Variants in COBLL1 observed in about 807,000 individuals in gnomAD.
COBLL1 encodes cordon-bleu protein-like 1.
In COBLL1, 50 loss-of-function variants were observed where a neutral mutation model predicts 94.8. The ratio of observed to expected loss-of-function variants is 0.53; its 90% CI spans 0.42 to 0.67. The LOEUF is 0.67. Among genes scored for constraint, COBLL1 ranks in the 30% least tolerant of loss-of-function variants. The probability of loss-of-function intolerance (pLI) is 0.00; values close to 1 mark genes in which losing one functional copy is unlikely to be tolerated. For synonymous variants in COBLL1, 448 were observed against 473.8 expected (o/e 0.95, Z 0.71); for missense variants, 1,362 against 1,348.7 (o/e 1.01, Z -0.15).
chr2:164,738,301 G>A (rs1686418486), intron 3 of COBLL1: 1 of 152,006 alleles, frequency 6.6e-6, no homozygotes, highest in Non-Finnish European at 1.5e-5. Context: ...TGGAGAAAGG[G>A]AAAAGAGGAA....
At chr2:164,714,428 T>G (rs1685063238) in intron 7 of COBLL1, among the ~76,000 whole-genome samples, 1 of 149,124 alleles carries the variant, frequency 6.7e-6, no homozygotes. Flanking sequence ...CAGGATCAAG[T>G]TTAAAAGACA....
chr2:164,814,228 G>A (rs1236723211), intron 2 of COBLL1, among the ~76,000 whole-genome samples: 31 of 151,848 alleles, frequency 2.0e-4, no homozygotes, highest in African/African-American at 2.4e-5. Context: ...CTGATAAATC[G>A]GGACAAAGAT....
chr2:164,769,792 C>A (rs186902862), intron 2 of COBLL1, among the ~76,000 whole-genome samples: 3 of 152,160 alleles, frequency 2.0e-5, no homozygotes, highest in South Asian at 4.2e-4. Flanking sequence ...CACATATACC[C>A]CCCCCAGAGC....
chr2:164,712,718 A>G (rs1684960080), intron 7 of COBLL1, among the ~76,000 whole-genome samples: 3 of 151,946 alleles, frequency 2.0e-5, no homozygotes, highest in Admixed American at 2.0e-4. Flanking sequence ...TAGAAGAATG[A>G]GGTCTTGTAT....
intron 2 of COBLL1, among the ~76,000 whole-genome samples, chr2:164,755,729 T>C (rs1159427415): frequency 6.6e-6 from 1 of 152,210 alleles, no homozygotes; most frequent in Non-Finnish European, 1.5e-5. Context: ...TTAATTTAGC[T>C]CGCAACTCAA....
At chr2:164,720,522 T>A (rs954303387) in intron 7 of COBLL1, among the ~76,000 whole-genome samples, 2 of 152,116 alleles carry the variant, frequency 1.3e-5, no homozygotes, top group Non-Finnish European at 2.9e-5. Context: ...TTTCTATATA[T>A]ATTAATATAT....
chr2:164,665,671 TAATTA>T (rs1691148771), intron 2 of COBLL1, among the ~76,000 whole-genome samples: 1 of 152,228 alleles, frequency 6.6e-6, no homozygotes, highest in Admixed American at 6.5e-5. Flanking sequence ...AGCTATTTTT[TAATTA>T]AATTAATTCA....
chr2:164,747,857 C>G (rs1390785910), intron 2 of COBLL1, among the ~76,000 whole-genome samples: 2 of 151,948 alleles, frequency 1.3e-5, no homozygotes, highest in African/African-American at 4.8e-5. Context: ...ACTTTTGTTC[C>G]TGAAAAATGG....
intron 11 of COBLL1, chr2:164,698,058 C>T (rs1053637912): frequency 6.6e-6 from 1 of 151,964 alleles, no homozygotes; most frequent in Non-Finnish European, 1.5e-5. Flanking sequence ...AAAGTCGTAG[C>T]AAAACAAACC....
chr2:164,796,706 A>G (rs915645220), intron 2 of COBLL1, among the ~76,000 whole-genome samples: 32 of 30,990 alleles, frequency 1.0e-3, no homozygotes, highest in South Asian at 1.5e-3. Context: ...CTGGCCTTCC[A>G]AAAAAAAAAA....
intron 2 of COBLL1, among the ~76,000 whole-genome samples, chr2:164,765,235 G>A (rs948937629): frequency 3.3e-5 from 5 of 152,102 alleles, no homozygotes; most frequent in Admixed American, 3.3e-4. Flanking sequence ...CACATATGAA[G>A]TACTCTTATC....
chr2:164,748,260 C>T (rs1483728900), intron 2 of COBLL1, among the ~76,000 whole-genome samples: 1 of 152,136 alleles, frequency 6.6e-6, no homozygotes, highest in African/African-American at 2.4e-5. Context: ...GGCCTGAATC[C>T]TAAGTAGCTT....
At chr2:164,671,637 G>A (rs893059503) in intron 1 of COBLL1, among the ~76,000 whole-genome samples, 1 of 152,124 alleles carries the variant, frequency 6.6e-6, no homozygotes, top group African/African-American at 2.4e-5. Flanking sequence ...TTAAACAGAG[G>A]AGAATGTGGA....
intron 1 of COBLL1, among the ~76,000 whole-genome samples, chr2:164,673,618 G>A (rs1037151309): frequency 6.6e-6 from 1 of 152,166 alleles, no homozygotes; most frequent in Admixed American, 6.5e-5. Context: ...AGGTTGTAGT[G>A]AGCTGAGATC....
rs562889851 is a variant in COBLL1, at chr2:164,780,126, G to A, written c.42-36251C>T. Among the ~76,000 whole-genome samples the A allele has an allele frequency of 9.9e-5, 15 of 152,178 alleles. No individual in the cohort carries two copies. In the East Asian group the frequency reaches 2.9e-3, roughly 29 times the overall value. On this transcript the variant is annotated intron_variant, in intron 2 of 13. Coordinates refer to ENST00000652658, the MANE Select transcript of COBLL1 (RefSeq NM_001365672.2). Reference sequence around the variant, plus strand: ...GCTGACTACCTGGACCCAATTCCTGGTATTTCCGTAAGCTATCTGTGTGAC... The same window carrying A: ...GCTGACTACCTGGACCCAATTCCTGATATTTCCGTAAGCTATCTGTGTGAC...
rs1684200001 is a variant in COBLL1, at chr2:164,700,605, A to G, written c.1377T>C (p.Pro459=). The change falls in exon 10 of 14, where the codon CCT becomes CCC. Residue 459 remains proline, a synonymous_variant. Coordinates refer to ENST00000652658, the MANE Select transcript of COBLL1 (RefSeq NM_001365672.2). ...CACTACCATTGCCAAGGGCTGAGTC[A>G]GGATCATTTTTCAGTGTATTTATTA... The part of the protein sequence containing the change: ...TDIINTLKND[P]DSALGNGSGE... The G allele has an allele frequency of 6.2e-7, 1 of 1,613,734 alleles. No individual in the cohort carries two copies. Among genetic ancestry groups the G allele is most frequent in the Non-Finnish European group, 8.5e-7 (1 of 1,179,820 alleles).
chr2:164,841,833 G>T, upstream of COBLL1: 2 of 665,720 alleles, frequency 3.0e-6, no homozygotes. The surrounding 1 kb of genome is among the most constrained non-coding windows in gnomAD (Gnocchi z 5.5). Context: ...TGGAGAAGCG[G>T]CAACCCCTGC....
rs182257507 is a variant in COBLL1, at chr2:164,701,026, A to G, written c.1226-270T>C. 2.6e-5 allele frequency among the ~76,000 whole-genome samples: 4 copies of G among 152,342 alleles called. No homozygotes were observed. The East Asian group carries it at 7.7e-4, about 29-fold the overall frequency. The stretch of plus-strand genomic sequence containing the variant: ...AGGTTATTTAATCTCATAAACTTTA[A>G]GTTAAATATTTCATTTAAGAAATGT... On this transcript the variant is annotated intron_variant, in intron 9 of 13. Coordinates refer to ENST00000652658, the MANE Select transcript of COBLL1 (RefSeq NM_001365672.2).
intron 2 of COBLL1, among the ~76,000 whole-genome samples, chr2:164,754,138 C>T (rs1284652673): frequency 6.6e-6 from 1 of 152,048 alleles, no homozygotes; most frequent in Non-Finnish European, 1.5e-5. Context: ...GTGTAAAATA[C>T]ACACTATATT....
Sources: gnomAD v4.1 joint callset for allele counts (sites outside exome capture counted in the v4.1 genomes callset) on GRCh38, gnomAD v4.1.1 for gene constraint, Gnocchi (gnomAD v3.1) non-coding constraint, MANE v1.5 for transcripts, NCBI Gene and HGNC (gene_info 2026-07-23, HGNC 2026-07-21) for gene names.